Variants in EHBP1 observed in about 807,000 individuals in gnomAD.
EHBP1 encodes EH domain binding protein 1.
EHBP1 carries 55 observed loss-of-function variants against 144.0 expected under a neutral mutation model. The observed-to-expected ratio is 0.38, with a 90% CI of 0.31 to 0.48. The LOEUF (loss-of-function observed/expected upper bound fraction) is 0.48, where lower values mean the gene tolerates loss of function less well. Among genes scored for constraint, EHBP1 ranks in the 20% least tolerant of loss-of-function variants. The pLI, the probability that EHBP1 is intolerant of heterozygous loss-of-function variation, is 0.98. For missense variants in EHBP1, 1,200 were observed against 1,364.2 expected (o/e 0.88, Z 1.90); for synonymous variants, 469 against 472.7 (o/e 0.99, Z 0.10).
intron 8 of EHBP1, among the ~76,000 whole-genome samples, chr2:62,860,478 G>A (rs900485043): frequency 7.0e-6 from 1 of 142,434 alleles, no homozygotes; most frequent in African/African-American, 2.6e-5. Context: ...CAACAAGAGC[G>A]AAACTCCATC....
chr2:63,001,799 C>T (rs2059862189), intron 19 of EHBP1, among the ~76,000 whole-genome samples: 1 of 152,156 alleles, frequency 6.6e-6, no homozygotes, highest in South Asian at 2.1e-4. Context: ...CTCCCAGATA[C>T]CACCTGACAT....
intron 7 of EHBP1, among the ~76,000 whole-genome samples, chr2:62,841,194 C>G (rs1409705406): frequency 6.6e-6 from 1 of 152,010 alleles, no homozygotes; most frequent in African/African-American, 2.4e-5. Flanking sequence ...TTTGTATGGA[C>G]ATGGATGAAA....
chr2:62,769,694 C>G (rs970374394), intron 4 of EHBP1, among the ~76,000 whole-genome samples: 2 of 151,440 alleles, frequency 1.3e-5, no homozygotes, highest in African/African-American at 4.9e-5. Flanking sequence ...GTCTGAATAG[C>G]CAAGGCAATC....
intron 19 of EHBP1, among the ~76,000 whole-genome samples, chr2:63,027,100 A>T (rs1387858541): frequency 6.6e-6 from 1 of 152,206 alleles, no homozygotes; most frequent in African/African-American, 2.4e-5. Flanking sequence ...GTGGCTCACA[A>T]GACAAACTGG....
chr2:62,838,488 A>G (rs533551015), intron 7 of EHBP1, among the ~76,000 whole-genome samples: 57 of 152,304 alleles, frequency 3.7e-4, no homozygotes, highest in African/African-American at 1.4e-3. Flanking sequence ...AACAACTAAA[A>G]TCAGAGCAGA....
chr2:62,841,397 G>C (rs538965467), intron 7 of EHBP1, among the ~76,000 whole-genome samples: 5 of 151,076 alleles, frequency 3.3e-5, no homozygotes, highest in South Asian at 2.1e-4. Context: ...GCTAGATGAC[G>C]AGTTAGTGGG....
chr2:62,794,927 T>A (rs2043432414), intron 5 of EHBP1, among the ~76,000 whole-genome samples: 5 of 152,042 alleles, frequency 3.3e-5, no homozygotes. Flanking sequence ...ACACTTCATA[T>A]CTTCTCCATA....
intron 3 of EHBP1, among the ~76,000 whole-genome samples, chr2:62,749,928 T>C (rs1401976635): frequency 6.6e-6 from 1 of 152,202 alleles, no homozygotes; most frequent in Non-Finnish European, 1.5e-5. Flanking sequence ...TTCCATTCTG[T>C]AGGTTGTCTG....
chr2:62,839,006 T>C (rs1415967523), intron 7 of EHBP1, among the ~76,000 whole-genome samples: 1 of 145,828 alleles, frequency 6.9e-6, no homozygotes, highest in African/African-American at 2.6e-5. Flanking sequence ...CCAGCATCAT[T>C]CTGATACCAA....
intron 10 of EHBP1, among the ~76,000 whole-genome samples, chr2:62,890,222 C>A (rs1403011530): frequency 6.6e-6 from 1 of 152,088 alleles, no homozygotes; most frequent in African/African-American, 2.4e-5. Context: ...AAGCATGAGC[C>A]ACCACGCCTA....
At chr2:63,007,630 C>G (rs1249586987) in intron 19 of EHBP1, among the ~76,000 whole-genome samples, 1 of 151,720 alleles carries the variant, frequency 6.6e-6, no homozygotes, top group Non-Finnish European at 1.5e-5. Context: ...AAACACCTCC[C>G]CTGTCCTCCG....
intron 21 of EHBP1, among the ~76,000 whole-genome samples, chr2:63,040,187 A>G (rs997711881): frequency 1.3e-4 from 20 of 150,326 alleles, no homozygotes; most frequent in African/African-American, 4.6e-4. Flanking sequence ...TATATAGTAT[A>G]TATAATACAT....
At chr2:62,741,091 G>C (rs2038664792) in intron 2 of EHBP1, among the ~76,000 whole-genome samples, 1 of 152,132 alleles carries the variant, frequency 6.6e-6, no homozygotes. Context: ...TCACTCAGGG[G>C]CCCAGGCTAC....
In EHBP1 at chr2:62,966,534, G is replaced by A. The variant is rs140781018; in HGVS notation, c.2460+10874G>A. On this transcript the variant is annotated intron_variant, in intron 14 of 22. Coordinates refer to ENST00000431489, the MANE Select transcript of EHBP1 (RefSeq NM_001142616.3). ...ACAGTGGTTGCTGTGCAGTAGAAGT[G>A]TAACTGAAAGAGAGTTATGTATTAT... Among the ~76,000 whole-genome samples the A allele has an allele frequency of 1.0e-3, 159 of 152,258 alleles. 1 individual carries two copies. The highest frequency in any genetic ancestry group is 3.6e-3 in the African/African-American group (150 of 41,560).
intron 10 of EHBP1, among the ~76,000 whole-genome samples, chr2:62,941,671 G>T (rs1170155594): frequency 6.6e-6 from 1 of 152,086 alleles, no homozygotes; most frequent in African/African-American, 2.4e-5. Context: ...AGTGTAGTAA[G>T]AATGCTTTGC....
At chr2:63,042,915 A>G (rs935028668) in intron 21 of EHBP1, among the ~76,000 whole-genome samples, 3 of 152,058 alleles carry the variant, frequency 2.0e-5, no homozygotes, top group South Asian at 2.1e-4. Flanking sequence ...AATGTATTCA[A>G]TTGTAAAGCT....
chr2:62,779,155 C>A (rs991268017), intron 5 of EHBP1, among the ~76,000 whole-genome samples: 22 of 152,108 alleles, frequency 1.4e-4, no homozygotes, highest in African/African-American at 4.3e-4. Context: ...GGTACGGCAG[C>A]ATTTACCTTA....
chr2:63,003,104 A>G (rs577994881), intron 19 of EHBP1, among the ~76,000 whole-genome samples: 3 of 152,228 alleles, frequency 2.0e-5, no homozygotes, highest in African/African-American at 7.2e-5. Context: ...TTGGTAAGAT[A>G]TAAATTCTGT....
intron 3 of EHBP1, among the ~76,000 whole-genome samples, chr2:62,751,884 A>G (rs980021056): frequency 2.0e-5 from 3 of 150,968 alleles, no homozygotes; most frequent in Admixed American, 6.6e-5. Flanking sequence ...TTTCTTCTTT[A>G]TTAGTCTTGC....
Sources: allele counts gnomAD v4.1 joint callset (sites outside exome capture counted in the v4.1 genomes callset), GRCh38; gene constraint gnomAD v4.1.1; transcripts MANE v1.5; gene names NCBI Gene and HGNC (gene_info 2026-07-23, HGNC 2026-07-21).